The following RIMS2 variants were observed in gnomAD, a reference collection of about 807,000 sequenced individuals.
RIMS2 encodes the protein regulating synaptic membrane exocytosis protein 2.
A neutral mutation model predicts 174.4 loss-of-function variants in RIMS2; 59 were observed. The observed-to-expected ratio is 0.34, with a 90% confidence interval of 0.27 to 0.42. The LOEUF is 0.42. RIMS2 is among the 10% of genes least tolerant of loss of function. The probability of loss-of-function intolerance (pLI) is 1.00; values close to 1 mark genes in which losing one functional copy is unlikely to be tolerated. For missense variants in RIMS2, 1,620 were observed against 1,666.3 expected (o/e 0.97, Z 0.48); for synonymous variants, 606 against 572.5 (o/e 1.06, Z -0.84).
intron 17 of RIMS2, among the ~76,000 whole-genome samples, chr8:103,999,376 TATG>T (rs759556808): frequency 8.8e-4 from 134 of 151,862 alleles, no homozygotes; most frequent in Admixed American, 1.8e-3. Flanking sequence ...CAGTTTATTA[TATG>T]ATAATGGTTA....
At chr8:103,653,619 A>G (rs575486903) in intron 1 of RIMS2, among the ~76,000 whole-genome samples, 4 of 152,298 alleles carry the variant, frequency 2.6e-5, no homozygotes, top group Admixed American at 6.5e-5. Context: ...AAACACTCAG[A>G]AAAACATTCA....
At chr8:104,113,876 G>C (rs1378053372) in intron 19 of RIMS2, among the ~76,000 whole-genome samples, 1 of 151,530 alleles carries the variant, frequency 6.6e-6, no homozygotes, top group Admixed American at 6.6e-5. Flanking sequence ...AAACAATTCA[G>C]TTATTTTTTT....
intron 15 of RIMS2, among the ~76,000 whole-genome samples, chr8:103,973,391 G>A (rs547079727): frequency 8.5e-4 from 129 of 152,126 alleles, no homozygotes; most frequent in African/African-American, 3.0e-3. Context: ...CAGGGCTTCT[G>A]GGAAAGAAAG....
At chr8:103,633,673 G>A (rs1173797820) in intron 1 of RIMS2, among the ~76,000 whole-genome samples, 2 of 151,926 alleles carry the variant, frequency 1.3e-5, no homozygotes, top group Admixed American at 6.6e-5. Flanking sequence ...GGCATTTTTT[G>A]ATTTTCAGGC....
At chr8:103,590,182 A>G (rs2094180169) in intron 1 of RIMS2, among the ~76,000 whole-genome samples, 1 of 151,308 alleles carries the variant, frequency 6.6e-6, no homozygotes, top group African/African-American at 2.4e-5. Flanking sequence ...ATCAAAACAT[A>G]TCATGTATCC....
Position 103,661,355 on chromosome 8 carries a change from T to C in RIMS2, c.177-35731T>C, listed in dbSNP as rs532822510. ...CTGTATACATTCTGATGTCATTATT[T>C]TTTTTCCTATGACTTTGGAGGAGAA... On this transcript the variant is annotated intron_variant, in intron 1 of 23. Transcript: ENST00000504942. Among the ~76,000 whole-genome samples, 6 of 152,328 alleles carry C rather than the reference T, an allele frequency of 3.9e-5. No individual in the cohort carries two copies. The South Asian group carries it at 1.2e-3, about 32-fold the overall frequency.
chr8:103,705,215 C>A (rs956744604), intron 2 of RIMS2, among the ~76,000 whole-genome samples: 6 of 151,930 alleles, frequency 3.9e-5, no homozygotes, highest in Non-Finnish European at 8.8e-5. Flanking sequence ...ATTGGTTATT[C>A]ACAAGCATGT....
intron 1 of RIMS2, among the ~76,000 whole-genome samples, chr8:103,515,192 A>T (rs1828417652): frequency 6.6e-6 from 1 of 152,214 alleles, no homozygotes; most frequent in Non-Finnish European, 1.5e-5. Flanking sequence ...TTCCACAAGC[A>T]TATATAATGC....
intron 2 of RIMS2, among the ~76,000 whole-genome samples, chr8:103,761,589 C>A (rs943112010): frequency 9.2e-5 from 14 of 152,194 alleles, no homozygotes; most frequent in Admixed American, 8.5e-4. Context: ...GTGGCACACC[C>A]ATTCCACTTA....
intron 17 of RIMS2, among the ~76,000 whole-genome samples, chr8:104,004,625 T>C (rs2095508567): frequency 6.6e-6 from 1 of 152,162 alleles, no homozygotes. Context: ...TCAAAAGATA[T>C]TTCTTTCCCT....
At chr8:104,038,900 G>A (rs2096563573) in intron 19 of RIMS2, among the ~76,000 whole-genome samples, 1 of 151,680 alleles carries the variant, frequency 6.6e-6, no homozygotes. Context: ...TTTTTATGTA[G>A]GCTTAGTTAT....
In RIMS2 at chr8:104,250,126, T is replaced by C. The variant is rs146775053; in HGVS notation, c.3691+538T>C. On this transcript the variant is annotated intron_variant, in intron 22 of 23. Coordinates refer to ENST00000504942, the Ensembl canonical transcript of RIMS2. ...CATATTTCAAATTGAAATGTCATTT[T>C]AATCTAAGGTGCATTGAAGCCATGG... Among the ~76,000 whole-genome samples, 772 of 152,386 alleles carry C rather than the reference T, an allele frequency of 5.1e-3. 5 individuals carry two copies. The highest frequency in any genetic ancestry group is 7.7e-3 in the Non-Finnish European group (526 of 68,030).
intron 15 of RIMS2, among the ~76,000 whole-genome samples, chr8:103,973,943 A>G (rs1178781613): frequency 6.6e-6 from 1 of 152,100 alleles, no homozygotes; most frequent in Non-Finnish European, 1.5e-5. Flanking sequence ...AAACCACCTC[A>G]TCCATGAGGT....
intron 3 of RIMS2, among the ~76,000 whole-genome samples, chr8:103,853,160 C>G (rs1438536956): frequency 1.3e-5 from 2 of 151,962 alleles, no homozygotes; most frequent in African/African-American, 2.4e-5. Flanking sequence ...TTTGAAAATG[C>G]ATTTCTCTGA....
At chr8:103,601,283 A>C (rs2094724667) in intron 1 of RIMS2, among the ~76,000 whole-genome samples, 1 of 152,046 alleles carries the variant, frequency 6.6e-6, no homozygotes, top group Admixed American at 6.6e-5. Context: ...GTCTCCAGCT[A>C]TTATTTTATT....
At chr8:103,786,910 CTCTT>C (rs2098449408) in intron 3 of RIMS2, among the ~76,000 whole-genome samples, 1 of 151,696 alleles carries the variant, frequency 6.6e-6, no homozygotes, top group Non-Finnish European at 1.5e-5. Context: ...GAGTCTAAGT[CTCTT>C]TGTAGGTCAC....
intron 1 of RIMS2, among the ~76,000 whole-genome samples, chr8:103,505,444 T>C (rs1253621620): frequency 6.6e-6 from 1 of 152,208 alleles, no homozygotes; most frequent in Non-Finnish European, 1.5e-5. Context: ...ATATATACTA[T>C]CCCTTTTAAT....
chr8:103,657,805 G>T (rs2096549218), intron 1 of RIMS2, among the ~76,000 whole-genome samples: 1 of 152,138 alleles, frequency 6.6e-6, no homozygotes, highest in South Asian at 2.1e-4. Context: ...ATACAGCTGG[G>T]TTCTGATTGG....
At chr8:104,148,724 T>C in intron 19 of RIMS2, 1 of 1,598,378 alleles carries the variant, frequency 6.3e-7, no homozygotes, top group South Asian at 1.1e-5. Context: ...GCAGCCAGTC[T>C]GACACTGCAG....
Sources: gnomAD v4.1 joint callset for allele counts (sites outside exome capture counted in the v4.1 genomes callset) on GRCh38, gnomAD v4.1.1 for gene constraint, MANE v1.5 for transcripts, NCBI Gene and HGNC (gene_info 2026-07-23, HGNC 2026-07-21) for gene names.